Variants in TMC1 observed in about 807,000 individuals in gnomAD.
TMC1 encodes the protein transmembrane channel like 1.
In TMC1, 84 loss-of-function variants were observed where a neutral mutation model predicts 105.8. The observed-to-expected ratio is 0.79, with a 90% CI of 0.67 to 0.95. TMC1 has a LOEUF of 0.95. Among genes scored for constraint, TMC1 ranks in the 40% least tolerant of loss-of-function variants. The pLI, the probability that TMC1 is intolerant of heterozygous loss-of-function variation, is 0.00. For synonymous variants in TMC1, 315 were observed against 311.5 expected (o/e 1.01, Z -0.12); for missense variants, 817 against 914.1 (o/e 0.89, Z 1.37).
chr9:72,613,866 C>G (rs572361697), intron 2 of TMC1, among the ~76,000 whole-genome samples: 1 of 152,044 alleles, frequency 6.6e-6, no homozygotes, highest in African/African-American at 2.4e-5. Flanking sequence ...GGAAGGATGA[C>G]AGCTGGGAAA....
At chr9:72,650,765 T>A (rs1457792022) in intron 5 of TMC1, among the ~76,000 whole-genome samples, 1 of 151,150 alleles carries the variant, frequency 6.6e-6, no homozygotes, top group Non-Finnish European at 1.5e-5. Flanking sequence ...GGTTGTCTGT[T>A]TCTGCATTAG....
At chr9:72,684,761 C>G (rs1179592227) in intron 5 of TMC1, among the ~76,000 whole-genome samples, 1 of 152,162 alleles carries the variant, frequency 6.6e-6, no homozygotes, top group African/African-American at 2.4e-5. Context: ...ATTCTCCCTA[C>G]AGTCTTCCAT....
chr9:72,773,174 T>C (rs1827956733), intron 13 of TMC1, among the ~76,000 whole-genome samples: 1 of 152,156 alleles, frequency 6.6e-6, no homozygotes, highest in South Asian at 2.1e-4. Context: ...TTTATAATAC[T>C]CCACTTAAAG....
intron 2 of TMC1, among the ~76,000 whole-genome samples, chr9:72,595,954 GC>G (rs1385434407): frequency 1.3e-5 from 2 of 150,214 alleles, no homozygotes; most frequent in African/African-American, 4.9e-5. Flanking sequence ...TCGGCTCACT[GC>G]AACCTCTGCC....
chr9:72,741,871 C>T (rs1827395209), intron 9 of TMC1, among the ~76,000 whole-genome samples: 2 of 152,122 alleles, frequency 1.3e-5, no homozygotes, highest in Admixed American at 1.3e-4. Flanking sequence ...GACTTGTTGT[C>T]TTCTCTTTCA....
At chr9:72,743,195 G>C (rs2118026435) in intron 10 of TMC1, among the ~76,000 whole-genome samples, 1 of 151,446 alleles carries the variant, frequency 6.6e-6, no homozygotes, top group East Asian at 1.9e-4. Context: ...GTGAAACCCC[G>C]TCTCTACTAA....
At chr9:72,679,578 A>C (rs1373824099) in intron 5 of TMC1, among the ~76,000 whole-genome samples, 3 of 152,088 alleles carry the variant, frequency 2.0e-5, no homozygotes, top group African/African-American at 7.2e-5. Flanking sequence ...ATATCCAGGC[A>C]CTACTGGCAG....
intron 2 of TMC1, among the ~76,000 whole-genome samples, chr9:72,613,409 AG>A (rs1825069208): frequency 6.6e-6 from 1 of 152,122 alleles, no homozygotes; most frequent in African/African-American, 2.4e-5. Context: ...TACAGGTGTG[AG>A]TCACTGCTCC....
At chr9:72,606,816 G>A (rs1037471794) in intron 2 of TMC1, among the ~76,000 whole-genome samples, 1 of 151,996 alleles carries the variant, frequency 6.6e-6, no homozygotes, top group African/African-American at 2.4e-5. Flanking sequence ...ATTTACTTTT[G>A]CACTTACAAC....
intron 1 of TMC1, among the ~76,000 whole-genome samples, chr9:72,576,125 A>T (rs1277034320): frequency 1.3e-5 from 2 of 152,218 alleles, no homozygotes; most frequent in African/African-American, 4.8e-5. Flanking sequence ...CTTCATTAAG[A>T]TGTCAAACTA....
intron 13 of TMC1, among the ~76,000 whole-genome samples, chr9:72,779,880 G>A (rs1316317017): frequency 6.6e-6 from 1 of 152,128 alleles, no homozygotes; most frequent in Non-Finnish European, 1.5e-5. Flanking sequence ...CCTCACTAGA[G>A]AGGTCAACAT....
In TMC1 at chr9:72,691,867, G is replaced by A. The variant is rs369852359; in HGVS notation, c.65-2676G>A. On this transcript the variant is annotated intron_variant, in intron 6 of 23. Coordinates refer to ENST00000297784, the MANE Select transcript of TMC1 (RefSeq NM_138691.3). ...CTTGCCAACTGTGTCATGCTGAACT[G>A]GGGGAAGGGGCTCTGGTGAATGAGT... 3.3e-5 allele frequency among the ~76,000 whole-genome samples: 5 copies of A among 152,252 alleles called. 1 individual carries two copies. The highest frequency in any genetic ancestry group is 6.5e-5 in the Admixed American group (1 of 15,288).
intron 1 of TMC1, among the ~76,000 whole-genome samples, chr9:72,551,663 T>A (rs1452196925): frequency 6.6e-6 from 1 of 152,148 alleles, no homozygotes; most frequent in Non-Finnish European, 1.5e-5. Flanking sequence ...TTGAATTGAG[T>A]CCTTCCTAAA....
At chr9:72,772,221 T>G (rs1461778583) in intron 12 of TMC1, among the ~76,000 whole-genome samples, 192 bp from the exon 13 acceptor site, 2 of 152,214 alleles carry the variant, frequency 1.3e-5, no homozygotes, top group South Asian at 2.1e-4. Flanking sequence ...GATTTTCAAA[T>G]AAACTGAAAA....
Position 72,823,178 on chromosome 9 carries a change from AT to A in TMC1, c.2003+2107del, listed in dbSNP as rs770183371. ...GAAGGGTTATCTCTATGCTATTTAGATTTTTTTTTTCATGTCAGTTTCCTCA... is the reference window on the plus strand; with the variant it reads ...GAAGGGTTATCTCTATGCTATTTAGATTTTTTTTTCATGTCAGTTTCCTCA... On this transcript the variant is annotated intron_variant, in intron 20 of 23. Transcript: ENST00000297784. Among the ~76,000 whole-genome samples the A allele has an allele frequency of 4.9e-3, 733 of 149,920 alleles. 14 individuals carry two copies. The highest frequency in any genetic ancestry group is 0.035 in the East Asian group (179 of 5,104).
chr9:72,684,821 T>C (rs1029168399), intron 5 of TMC1, among the ~76,000 whole-genome samples: 6 of 152,202 alleles, frequency 3.9e-5, no homozygotes, highest in African/African-American at 1.2e-4. Context: ...AAGAACCTGT[T>C]GCTATCCTTG....
At chr9:72,613,272 C>T (rs1477409653) in intron 2 of TMC1, among the ~76,000 whole-genome samples, 5 of 151,996 alleles carry the variant, frequency 3.3e-5, no homozygotes, top group African/African-American at 1.2e-4. Context: ...GCTGGGACTA[C>T]TGGCCACCAT....
chr9:72,667,291 G>C (rs1316051414), intron 5 of TMC1, among the ~76,000 whole-genome samples: 3 of 152,082 alleles, frequency 2.0e-5, no homozygotes, highest in Admixed American at 1.3e-4. Context: ...TCTACCCCGT[G>C]TCTCTTCACT....
chr9:72,773,954 A>G (rs1026315730), intron 13 of TMC1, among the ~76,000 whole-genome samples: 2 of 152,250 alleles, frequency 1.3e-5, no homozygotes, highest in African/African-American at 4.8e-5. Context: ...TGAGGACTAA[A>G]TGAATTAATA....
Sources: allele counts gnomAD v4.1 joint callset (sites outside exome capture counted in the v4.1 genomes callset), GRCh38; gene constraint gnomAD v4.1.1; transcripts MANE v1.5; gene names NCBI Gene and HGNC (gene_info 2026-07-23, HGNC 2026-07-21).